Variants in RESF1 observed in about 807,000 individuals in gnomAD.
RESF1 encodes retroelement silencing factor 1.
In RESF1, 65 loss-of-function variants were observed where a neutral mutation model predicts 134.7. The observed-to-expected ratio is 0.48, with a 90% confidence interval of 0.40 to 0.59. RESF1 has a LOEUF of 0.59. Among genes scored for constraint, RESF1 ranks in the 20% least tolerant of loss-of-function variants. The pLI, the probability that RESF1 is intolerant of heterozygous loss-of-function variation, is 0.00. For synonymous variants in RESF1, 762 were observed against 702.2 expected (o/e 1.09, Z -1.35); for missense variants, 2,274 against 2,002.7 (o/e 1.14, Z -2.59).
chr12:31,991,667 G>T (rs1478968552), intron 5 of RESF1, among the ~76,000 whole-genome samples: 1 of 152,152 alleles, frequency 6.6e-6, no homozygotes, highest in South Asian at 2.1e-4. Context: ...TGTCACCCAG[G>T]CTGGAGTGCA....
intron 4 of RESF1, among the ~76,000 whole-genome samples, chr12:31,986,481 A>G (rs112901038): frequency 0.032 from 4,863 of 152,304 alleles, 268 homozygotes; most frequent in African/African-American, 0.11. Context: ...TGTTATCACT[A>G]TATTTAAAAT....
In RESF1 at chr12:31,981,082, C is replaced by T. The variant is rs759065849; in HGVS notation, c.127C>T (p.Pro43Ser). ...AACATCTCAGAGTTCTTTCAGCTAT[C>T]CTGGAAGTAACCAAGAAGCATGCAT... Reference protein sequence around the residue: ...TTTSQSSFSYPGSNQEACMYP... With the variant: ...TTTSQSSFSYSGSNQEACMYP... The change falls in exon 4 of 6, where the codon CCT becomes TCT. Residue 43 changes from proline to serine, a missense_variant. By Grantham distance (74) the Pro-to-Ser change is moderately conservative. Transcript: ENST00000312561. The T allele has an allele frequency of 6.2e-7, 1 of 1,614,134 alleles. No homozygotes were observed. The highest frequency in any genetic ancestry group is 1.1e-5 in the South Asian group (1 of 91,086).
At chr12:31,976,309 A>G (rs1431632419) in intron 3 of RESF1, among the ~76,000 whole-genome samples, 2 of 152,236 alleles carry the variant, frequency 1.3e-5, no homozygotes, top group African/African-American at 2.4e-5. Context: ...CTTGATTAAC[A>G]ATAGCATGCT....
rs762766177 is a variant in RESF1 at position 31,984,330 on chromosome 12, C to T, written c.3375C>T (p.Pro1125=). The stretch of plus-strand genomic sequence containing the variant: ...TATTTCCTGAACAGGATGATCAACC[C>T]TATGTAGTAGACAAGTTGGCAGAAC... ...KEIFPEQDDQ[P]YVVDKLAEPQ... is the part of the protein sequence containing the mutation. The change falls in exon 4 of 6, where the codon CCC becomes CCT. Residue 1125 remains proline (P), a synonymous_variant. Coordinates refer to ENST00000312561, the MANE Select transcript of RESF1 (RefSeq NM_018169.4). 3.5e-5 allele frequency: 57 copies of T among 1,613,850 alleles called. 1 individual carries two copies. Among genetic ancestry groups the T allele is most frequent in the South Asian group, 3.0e-4 (27 of 91,078 alleles).
chr12:31,969,290 G>A (rs1456283432), intron 2 of RESF1, among the ~76,000 whole-genome samples: 1 of 152,072 alleles, frequency 6.6e-6, no homozygotes, highest in Non-Finnish European at 1.5e-5. Flanking sequence ...GATGGCTTGA[G>A]CCTCAGGAGT....
intron 5 of RESF1, among the ~76,000 whole-genome samples, chr12:31,989,223 T>C (rs889212196): frequency 2.0e-5 from 3 of 148,308 alleles, no homozygotes; most frequent in Non-Finnish European, 3.0e-5. Flanking sequence ...GGTGAAACCC[T>C]GTCTCTACTG....
At position 31,985,791 on chromosome 12, in the gene RESF1, A is replaced by G. The variant is rs16919139; in HGVS notation, c.4836A>G (p.Arg1612=). The change falls in exon 4 of 6, where the codon AGA becomes AGG. Residue 1612 remains arginine (R), a synonymous_variant. Transcript: ENST00000312561. ...SSPRKLHKDK[R]QENKHKTFLP... is the part of the protein sequence containing the mutation. ...CCAGGAAGCTTCATAAAGATAAGAGACAGGAAAATAAACATAAGACCTTTT... is the reference window on the plus strand; with the variant it reads ...CCAGGAAGCTTCATAAAGATAAGAGGCAGGAAAATAAACATAAGACCTTTT... The G allele has an allele frequency of 3.3e-3, 5,097 of 1,567,574 alleles. 150 individuals are homozygous for G. In the African/African-American group the frequency reaches 0.064, roughly 20 times the overall value.
intron 2 of RESF1, 133 bp from the exon 3 acceptor site, chr12:31,970,056 G>A (rs1479916921): frequency 6.6e-6 from 1 of 152,108 alleles, no homozygotes; most frequent in African/African-American, 2.4e-5. Flanking sequence ...GGAAGCTGCT[G>A]GGTTGACAAC....
intron 2 of RESF1, among the ~76,000 whole-genome samples, chr12:31,968,446 TTC>T (rs1939443148): frequency 7.6e-6 from 1 of 131,334 alleles, no homozygotes; most frequent in Non-Finnish European, 1.6e-5. Context: ...ACATTAGGAC[TTC>T]TCTTTTTTTT....
Position 31,978,921 on chromosome 12 carries a change from A to ATTT in RESF1, c.-78-1942_-78-1940dup, listed in dbSNP as rs368667477. ...CTTAGATTTTTGAAATGATCTCATG[A>ATTT]TTTTTTTTTTTTTTTTTGAAACGGA... On this transcript the variant is annotated intron_variant, in intron 3 of 5. Transcript: ENST00000312561. Among the ~76,000 whole-genome samples, 159 of 129,076 alleles carry ATTT rather than the reference A, an allele frequency of 1.2e-3. 1 individual carries two copies. Among genetic ancestry groups the ATTT allele is most frequent in the East Asian group, 4.1e-3 (18 of 4,360 alleles). The allele number at this position is 129,076 out of a possible 152,430, so 84.7% of individuals were successfully genotyped here.
At chr12:31,964,212 G>A (rs1939344760) in intron 2 of RESF1, among the ~76,000 whole-genome samples, 1 of 105,682 alleles carries the variant, frequency 9.5e-6, no homozygotes, top group South Asian at 2.9e-4. Context: ...TGTCATGGGG[G>A]TTTGTGGAAC....
In RESF1 at chr12:31,980,108, C is replaced by CTTTTTT. The variant is rs61587386; in HGVS notation, c.-78-755_-78-750dup. On this transcript the variant is annotated intron_variant, in intron 3 of 5. Coordinates refer to ENST00000312561, the MANE Select transcript of RESF1 (RefSeq NM_018169.4). ...TGCTTATGCCAGAAATTTTCTTTTC[C>CTTTTTT]TTTTTTTTTTTTTTTTTTTTGAAAC... is the stretch of plus-strand genomic sequence containing the variant. Among the ~76,000 whole-genome samples the CTTTTTT allele has an allele frequency of 4.4e-5, 5 of 114,412 alleles. 1 individual carries two copies. The highest frequency in any genetic ancestry group is 1.0e-4 in the Admixed American group (1 of 9,808). The allele number at this position is 114,412 out of a possible 152,430, so 75.1% of individuals were successfully genotyped here.
At chr12:31,973,802 C>G (rs61931391) in intron 3 of RESF1, among the ~76,000 whole-genome samples, 10,266 of 152,244 alleles carry the variant, frequency 0.067, 492 homozygotes, top group South Asian at 0.14. Context: ...ACCACTTCAT[C>G]TCTGGTCACC....
chr12:31,984,931 CAT>C lies in RESF1; in HGVS notation c.3977_3978del (p.His1326ArgfsTer18), dbSNP rs753387843. ...TTCTCAGGAAACCCGACAGAAGAAA[CAT>C]GTAACACAGAACTCACGTCCACTAA... ...QASQETRQKK[H>X]VTQNSRPLKT... On this transcript the variant is annotated frameshift_variant, in exon 4 of 6. Transcript: ENST00000312561. LOFTEE classifies it high-confidence loss of function. The C allele has an allele frequency of 3.1e-6, 5 of 1,613,140 alleles. No individual in the cohort carries two copies. Among genetic ancestry groups the C allele is most frequent in the African/African-American group, 1.3e-5 (1 of 74,876 alleles).
chr12:31,985,871 C>T lies in RESF1; in HGVS notation c.4916C>T (p.Pro1639Leu), dbSNP rs981497079. 1 of 1,548,592 alleles carries T rather than the reference C, an allele frequency of 6.5e-7. No individual in the cohort carries two copies. Among genetic ancestry groups the T allele is most frequent in the Non-Finnish European group, 8.6e-7 (1 of 1,156,930 alleles). Residue 1639 changes from proline to leucine, a missense_variant, in exon 4 of 6, where the codon CCA becomes CTA. By Grantham distance (98) the Pro-to-Leu change is moderately conservative. Coordinates refer to ENST00000312561, the MANE Select transcript of RESF1 (RefSeq NM_018169.4). Reference sequence around the variant, plus strand: ...AACATGCTGGAGTTTAAATTATGTCCAGATATCTTACTAAAGAATACAAAC... The same window carrying T: ...AACATGCTGGAGTTTAAATTATGTCTAGATATCTTACTAAAGAATACAAAC... ...KSNMLEFKLC[P>L]DILLKNTNSV...
chr12:31,963,743 C>T (rs1326773111), intron 2 of RESF1, among the ~76,000 whole-genome samples: 1 of 152,168 alleles, frequency 6.6e-6, no homozygotes, highest in Non-Finnish European at 1.5e-5. Context: ...CGCACCTTTC[C>T]CTAGGTAACC....
chr12:31,978,921 A>T (rs1429362655), intron 3 of RESF1, among the ~76,000 whole-genome samples: 13 of 129,074 alleles, frequency 1.0e-4, no homozygotes, highest in African/African-American at 2.9e-4. Flanking sequence ...TGATCTCATG[A>T]TTTTTTTTTT....
At chr12:31,975,947 C>A (rs2120815649) in intron 3 of RESF1, among the ~76,000 whole-genome samples, 1 of 152,292 alleles carries the variant, frequency 6.6e-6, no homozygotes, top group East Asian at 1.9e-4. Flanking sequence ...AATGAAACTT[C>A]TAGGTCTCAG....
intron 5 of RESF1, among the ~76,000 whole-genome samples, chr12:31,989,769 T>A (rs534471072): frequency 6.6e-6 from 1 of 152,168 alleles, no homozygotes; most frequent in South Asian, 2.1e-4. Flanking sequence ...GGAGAATCAC[T>A]TGAACCTGTG....
Sources: gnomAD v4.1 joint callset for allele counts (sites outside exome capture counted in the v4.1 genomes callset) on GRCh38, gnomAD v4.1.1 for gene constraint, MANE v1.5 for transcripts, NCBI Gene and HGNC (gene_info 2026-07-23, HGNC 2026-07-21) for gene names.